The following MYO16 variants were observed in gnomAD, a reference collection of about 807,000 sequenced individuals.
The protein encoded by MYO16 is myosin XVI.
In MYO16, 94 loss-of-function variants were observed where a neutral mutation model predicts 205.3. The observed-to-expected ratio is 0.46, with a 90% CI of 0.39 to 0.54. The LOEUF (loss-of-function observed/expected upper bound fraction) is 0.54. Ranked by LOEUF, MYO16 falls within the 20% of genes least tolerant of loss-of-function variation. MYO16 has a pLI of 0.00. For missense variants in MYO16, 2,315 were observed against 2,387.5 expected (o/e 0.97, Z 0.63); for synonymous variants, 988 against 954.0 (o/e 1.04, Z -0.66).
chr13:108,533,147 G>C, the MYO16 span, among the ~76,000 whole-genome samples: 2 of 152,188 alleles, frequency 1.3e-5, no homozygotes, highest in African/African-American at 4.8e-5. Flanking sequence ...GTGTCATAGA[G>C]AGGACCATTC....
intron 27 of MYO16, among the ~76,000 whole-genome samples, chr13:109,059,670 G>C (rs1887524153): frequency 6.6e-6 from 1 of 152,134 alleles, no homozygotes; most frequent in Non-Finnish European, 1.5e-5. Context: ...ACCTTTGTGA[G>C]ACGGATGGAT....
chr13:108,964,659 C>T, intron 19 of MYO16, 102 bp from the exon 20 acceptor site: 1 of 1,219,074 alleles, frequency 8.2e-7, no homozygotes, highest in East Asian at 2.3e-5. Flanking sequence ...CATCACTTGT[C>T]TTGTGGATGT....
chr13:108,701,837 T>C (rs560634513), intron 2 of MYO16, among the ~76,000 whole-genome samples: 1 of 152,216 alleles, frequency 6.6e-6, no homozygotes, highest in East Asian at 1.9e-4. Context: ...AGTATGAAAG[T>C]GGTATCTCCC....
At chr13:108,747,797 A>C (rs1030257191) in intron 4 of MYO16, among the ~76,000 whole-genome samples, 6 of 152,132 alleles carry the variant, frequency 3.9e-5, no homozygotes, top group African/African-American at 1.2e-4. Context: ...ACCACATTGA[A>C]TATAAAGATG....
At chr13:108,823,887 A>T (rs973921142) in intron 9 of MYO16, among the ~76,000 whole-genome samples, 1 of 152,106 alleles carries the variant, frequency 6.6e-6, no homozygotes, top group Non-Finnish European at 1.5e-5. Flanking sequence ...CAGCATATGG[A>T]TATACAAACA....
At chr13:108,544,647 A>G in the MYO16 span, among the ~76,000 whole-genome samples, 1 of 152,180 alleles carries the variant, frequency 6.6e-6, no homozygotes, top group South Asian at 2.1e-4. Flanking sequence ...TTAAATTATG[A>G]TTGATTTTAG....
intron 1 of MYO16, among the ~76,000 whole-genome samples, chr13:108,657,707 A>C (rs921045230): frequency 6.6e-6 from 1 of 152,166 alleles, no homozygotes; most frequent in Admixed American, 6.5e-5. Flanking sequence ...GTTCCGGACT[A>C]TCACTCCTAA....
the MYO16 span, among the ~76,000 whole-genome samples, chr13:108,520,333 G>A: frequency 6.6e-6 from 1 of 152,036 alleles, no homozygotes; most frequent in Non-Finnish European, 1.5e-5. Context: ...ATCTCTGAAG[G>A]TAAAATATGC....
intron 23 of MYO16, among the ~76,000 whole-genome samples, chr13:109,027,134 C>T (rs1251550114): frequency 6.6e-6 from 1 of 152,110 alleles, no homozygotes; most frequent in Non-Finnish European, 1.5e-5. Flanking sequence ...TGTTCCAAGC[C>T]TCTCTCCCAG....
chr13:108,849,524 T>TG (rs1159082813), intron 10 of MYO16, among the ~76,000 whole-genome samples: 7 of 130,186 alleles, frequency 5.4e-5, no homozygotes, highest in Non-Finnish European at 1.0e-4. Context: ...AATTTCCTCC[T>TG]TTGTGTGTGT....
At chr13:109,027,893 T>A (rs1413585417) in intron 23 of MYO16, among the ~76,000 whole-genome samples, 1 of 152,106 alleles carries the variant, frequency 6.6e-6, no homozygotes, top group African/African-American at 2.4e-5. Flanking sequence ...AGTTATCGAG[T>A]CAACTTTTGC....
chr13:108,678,536 C>G (rs1228242797), intron 2 of MYO16, among the ~76,000 whole-genome samples: 2 of 152,158 alleles, frequency 1.3e-5, no homozygotes, highest in African/African-American at 2.4e-5. Context: ...AGGCTTTTTC[C>G]CAGTGATTCC....
chr13:109,005,061 A>C (rs1483592539), intron 21 of MYO16, among the ~76,000 whole-genome samples: 1 of 152,188 alleles, frequency 6.6e-6, no homozygotes, highest in Non-Finnish European at 1.5e-5. Context: ...AGAGAGGAAA[A>C]GTTCTAGTTA....
intron 21 of MYO16, 86 bp downstream of exon 21, chr13:108,992,534 C>A: frequency 1.3e-6 from 1 of 753,532 alleles, no homozygotes; most frequent in Non-Finnish European, 2.1e-6. Context: ...GACAGTGTAA[C>A]TACTTACAAA....
At chr13:108,713,451 TC>T (rs1196976101) in intron 3 of MYO16, among the ~76,000 whole-genome samples, 1 of 152,206 alleles carries the variant, frequency 6.6e-6, no homozygotes, top group Non-Finnish European at 1.5e-5. Flanking sequence ...GCCCTTAACT[TC>T]CAGAAGCTCC....
chr13:109,044,835 G>A (rs765414631), intron 23 of MYO16, among the ~76,000 whole-genome samples: 15 of 152,188 alleles, frequency 9.9e-5, no homozygotes, highest in African/African-American at 2.2e-4. Flanking sequence ...GATTACAGGC[G>A]TCTGTCACCA....
chr13:109,082,972 T>C (rs1888325838), intron 27 of MYO16, among the ~76,000 whole-genome samples: 1 of 152,176 alleles, frequency 6.6e-6, no homozygotes, highest in Non-Finnish European at 1.5e-5. Context: ...AGAAGATATA[T>C]ATTTGAATAT....
chr13:108,840,857 T>C (rs1366505837), intron 9 of MYO16, among the ~76,000 whole-genome samples: 1 of 152,192 alleles, frequency 6.6e-6, no homozygotes, highest in Non-Finnish European at 1.5e-5. Context: ...ATTTGGAAGA[T>C]TTTCATTCTG....
At chr13:109,198,844 C>T (rs991205318) in intron 34 of MYO16, among the ~76,000 whole-genome samples, 1 of 152,124 alleles carries the variant, frequency 6.6e-6, no homozygotes, top group Non-Finnish European at 1.5e-5. Context: ...CCAGCGAATG[C>T]TTGTTCAGCA....
Sources: allele counts gnomAD v4.1 joint callset (sites outside exome capture counted in the v4.1 genomes callset), GRCh38; gene constraint gnomAD v4.1.1; transcripts MANE v1.5; gene names NCBI Gene and HGNC (gene_info 2026-07-23, HGNC 2026-07-21).